The following VDAC1 variants were observed in gnomAD, a reference collection of about 807,000 sequenced individuals.
VDAC1 encodes the protein non-selective voltage-gated ion channel VDAC1.
Under a neutral mutation model 34.7 loss-of-function variants are expected in VDAC1, and 10 were observed. The observed-to-expected ratio is 0.29, with a 90% confidence interval of 0.18 to 0.49. The LOEUF is 0.49. Ranked by LOEUF, VDAC1 falls within the 20% of genes least tolerant of loss-of-function variation. VDAC1 has a pLI of 0.99. For missense variants in VDAC1, 230 were observed against 347.9 expected, an observed-to-expected ratio of 0.66 and a Z score of 2.69; for synonymous variants, 130 against 136.0, an observed-to-expected ratio of 0.96 and a Z score of 0.30.
chr5:134,025,285 G>A, the VDAC1 span, among the ~76,000 whole-genome samples: 1 of 152,012 alleles, frequency 6.6e-6, no homozygotes, highest in Admixed American at 6.6e-5. Flanking sequence ...AGGAGGTTGT[G>A]GTCTCTTTTA....
chr5:134,103,733 G>A, the VDAC1 span, among the ~76,000 whole-genome samples: 4 of 152,220 alleles, frequency 2.6e-5, no homozygotes, highest in Middle Eastern at 3.2e-3. Flanking sequence ...AACATAAAAC[G>A]AAATGTTTAC....
the VDAC1 span, among the ~76,000 whole-genome samples, chr5:134,111,321 C>G: frequency 6.6e-6 from 1 of 152,156 alleles, no homozygotes; most frequent in Admixed American, 6.5e-5. Context: ...GAAGATGAAG[C>G]CTTATTAAAT....
the VDAC1 span, among the ~76,000 whole-genome samples, chr5:134,014,770 G>A: frequency 4.6e-5 from 7 of 152,324 alleles, no homozygotes; most frequent in Non-Finnish European, 8.8e-5. Context: ...GGAGGCTGAG[G>A]CAGGAGAATC....
In VDAC1 at chr5:133,991,070, C is replaced by G. The variant is rs750333869; in HGVS notation, c.202G>C (p.Gly68Arg). ...TTCCATTTCTCTGTAAACGTCAGGCCGTACTCAGTCCATCTGTACTTGGTT... is the reference window on the plus strand; with the variant it reads ...TTCCATTTCTCTGTAAACGTCAGGCGGTACTCAGTCCATCTGTACTTGGTT... ...LETKYRWTEY[G>R]LTFTEKWNTD... The change falls in exon 4 of 9, where the codon GGC (glycine) becomes CGC (arginine). Residue 68 changes from glycine (G) to arginine (R), a missense_variant. Coordinates refer to ENST00000265333, the MANE Select transcript of VDAC1 (RefSeq NM_003374.3). 3 of 1,614,110 alleles carry G rather than the reference C, an allele frequency of 1.9e-6. No homozygotes were observed. Among genetic ancestry groups the G allele is most frequent in the Non-Finnish European group, 2.5e-6 (3 of 1,180,042 alleles).
chr5:134,025,133 T>C, the VDAC1 span, among the ~76,000 whole-genome samples: 5 of 152,348 alleles, frequency 3.3e-5, no homozygotes, highest in Admixed American at 3.3e-4. Flanking sequence ...AGATCTTTAA[T>C]TGGCTCACAG....
chr5:134,057,558 T>G, the VDAC1 span, among the ~76,000 whole-genome samples: 1 of 141,806 alleles, frequency 7.1e-6, no homozygotes, highest in Non-Finnish European at 1.5e-5. Context: ...GTGTGGTGGC[T>G]CATGCCTGTA....
the VDAC1 span, among the ~76,000 whole-genome samples, chr5:134,064,962 T>C: frequency 1.3e-5 from 2 of 152,036 alleles, no homozygotes; most frequent in Non-Finnish European, 2.9e-5. Context: ...TCAAGCAATC[T>C]GCCTGACTCA....
At chr5:134,091,171 C>T in the VDAC1 span, among the ~76,000 whole-genome samples, 2 of 152,212 alleles carry the variant, frequency 1.3e-5, no homozygotes, top group Non-Finnish European at 2.9e-5. Flanking sequence ...GAGGGTCTAA[C>T]TCTAGCACAG....
At chr5:134,104,908 T>C in the VDAC1 span, among the ~76,000 whole-genome samples, 1 of 152,214 alleles carries the variant, frequency 6.6e-6, no homozygotes, top group East Asian at 1.9e-4. Context: ...CTCTGAAGGC[T>C]GCAGTCATGG....
chr5:134,050,224 G>A, the VDAC1 span, among the ~76,000 whole-genome samples: 1 of 151,998 alleles, frequency 6.6e-6, no homozygotes, highest in African/African-American at 2.4e-5. Context: ...ACTCTAGCCT[G>A]GCAAAAGAGC....
the VDAC1 span, among the ~76,000 whole-genome samples, chr5:134,059,074 A>G: frequency 0.64 from 98,069 of 152,188 alleles, 32,192 homozygotes; most frequent in East Asian, 0.8. Context: ...CATGGTCGGC[A>G]ACAGGCCATG....
chr5:134,063,666 C>T, the VDAC1 span, among the ~76,000 whole-genome samples: 1 of 152,158 alleles, frequency 6.6e-6, no homozygotes, highest in Non-Finnish European at 1.5e-5. Context: ...TGAGGGAGGG[C>T]ATCCTGGATT....
the VDAC1 span, among the ~76,000 whole-genome samples, chr5:134,017,051 T>C: frequency 6.6e-6 from 1 of 152,246 alleles, no homozygotes; most frequent in Non-Finnish European, 1.5e-5. Context: ...CTCTGGCCTC[T>C]GCTTAAACGG....
At chr5:134,027,600 G>A in the VDAC1 span, among the ~76,000 whole-genome samples, 4 of 152,264 alleles carry the variant, frequency 2.6e-5, no homozygotes, top group East Asian at 7.7e-4. Flanking sequence ...AAAGGTGACT[G>A]CTGAGCTAAG....
At chr5:133,984,404 C>G (rs1046757674) in intron 5 of VDAC1, among the ~76,000 whole-genome samples, 2 of 145,874 alleles carry the variant, frequency 1.4e-5, no homozygotes, top group Non-Finnish European at 3.0e-5. Flanking sequence ...TATAGGCGCT[C>G]ACCACAATGA....
the VDAC1 span, among the ~76,000 whole-genome samples, chr5:134,031,924 C>T: frequency 6.8e-6 from 1 of 146,610 alleles, no homozygotes; most frequent in Non-Finnish European, 1.5e-5. Flanking sequence ...GCACTCCAGC[C>T]TCGGTGACAG....
the VDAC1 span, among the ~76,000 whole-genome samples, chr5:134,062,530 C>A: frequency 6.6e-6 from 1 of 151,662 alleles, no homozygotes; most frequent in Non-Finnish European, 1.5e-5. Flanking sequence ...TCATATTGCC[C>A]TTGACCAAAC....
At chr5:134,062,405 G>C in the VDAC1 span, among the ~76,000 whole-genome samples, 3 of 151,664 alleles carry the variant, frequency 2.0e-5, 1 homozygote, top group African/African-American at 7.2e-5. Flanking sequence ...AATTACTTTA[G>C]GTTTTCTAAT....
At chr5:134,112,211 C>CTA in the VDAC1 span, among the ~76,000 whole-genome samples, 1 of 152,228 alleles carries the variant, frequency 6.6e-6, no homozygotes, top group Non-Finnish European at 1.5e-5. Context: ...CCTGACTACT[C>CTA]TAGTCCACAT....
Sources: gnomAD v4.1 joint callset for allele counts (sites outside exome capture counted in the v4.1 genomes callset) on GRCh38, gnomAD v4.1.1 for gene constraint, MANE v1.5 for transcripts, NCBI Gene and HGNC (gene_info 2026-07-23, HGNC 2026-07-21) for gene names.